Variants in GMDS observed in about 807,000 individuals in gnomAD.
GMDS encodes the protein GDP-mannose 4,6 dehydratase.
A neutral mutation model predicts 49.9 loss-of-function variants in GMDS; 20 were observed. The ratio of observed to expected loss-of-function variants is 0.40; its 90% CI spans 0.28 to 0.58. The LOEUF is 0.58. Ranked by LOEUF, GMDS falls within the 20% of genes least tolerant of loss-of-function variation. GMDS has a pLI of 0.42. For missense variants in GMDS, 362 were observed against 481.4 expected, an observed-to-expected ratio of 0.75 and a Z score of 2.32; for synonymous variants, 177 against 178.6, an observed-to-expected ratio of 0.99 and a Z score of 0.07.
At chr6:1,956,992 G>A (rs1462028908) in intron 6 of GMDS, among the ~76,000 whole-genome samples, 4 of 151,912 alleles carry the variant, frequency 2.6e-5, no homozygotes, top group African/African-American at 4.8e-5. Context: ...TAGTAGAGAC[G>A]GGGTTTCACC....
chr6:2,169,771 G>C (rs1031473250), intron 1 of GMDS, among the ~76,000 whole-genome samples: 1 of 152,092 alleles, frequency 6.6e-6, no homozygotes, highest in African/African-American at 2.4e-5. Flanking sequence ...TCCTACAGCA[G>C]AACACCATCC....
At chr6:1,906,587 C>T (rs1760786813) in intron 7 of GMDS, among the ~76,000 whole-genome samples, 1 of 152,258 alleles carries the variant, frequency 6.6e-6, no homozygotes, top group South Asian at 2.1e-4. Context: ...CTCTATGATA[C>T]TCTAGTTTTT....
At chr6:2,027,669 G>A (rs767308302) in intron 4 of GMDS, among the ~76,000 whole-genome samples, 2 of 152,036 alleles carry the variant, frequency 1.3e-5, no homozygotes, top group Non-Finnish European at 2.9e-5. Flanking sequence ...AAATAGCAGA[G>A]TACAAGACAG....
chr6:2,140,534 T>G (rs994853770), intron 1 of GMDS, among the ~76,000 whole-genome samples: 1 of 152,194 alleles, frequency 6.6e-6, no homozygotes, highest in Non-Finnish European at 1.5e-5. Flanking sequence ...AGCGACCTTG[T>G]GAATCAGCAA....
At chr6:1,957,588 G>A (rs1763711271) in intron 6 of GMDS, among the ~76,000 whole-genome samples, 1 of 152,102 alleles carries the variant, frequency 6.6e-6, no homozygotes, top group South Asian at 2.1e-4. Context: ...CTACAGTTGA[G>A]GTCAAGTTCC....
At chr6:1,793,642 C>T (rs1225901888) in intron 7 of GMDS, among the ~76,000 whole-genome samples, 1 of 152,208 alleles carries the variant, frequency 6.6e-6, no homozygotes, top group Non-Finnish European at 1.5e-5. Context: ...GGCAGCTCAT[C>T]TTCCTACTTT....
intron 4 of GMDS, among the ~76,000 whole-genome samples, chr6:1,981,129 G>T (rs1358738016): frequency 1.3e-5 from 2 of 151,178 alleles, no homozygotes; most frequent in African/African-American, 4.9e-5. Flanking sequence ...AGAATTAATA[G>T]AACTAGAGAA....
chr6:1,701,999 C>T (rs752593194), intron 9 of GMDS, among the ~76,000 whole-genome samples: 89 of 152,288 alleles, frequency 5.8e-4, no homozygotes, highest in Non-Finnish European at 2.9e-4. Flanking sequence ...AACATTTTTG[C>T]GATGGGGGTG....
chr6:1,646,002 G>A (rs1245552088), intron 9 of GMDS, among the ~76,000 whole-genome samples: 1 of 152,206 alleles, frequency 6.6e-6, no homozygotes, highest in Non-Finnish European at 1.5e-5. Context: ...GCACGCAGAG[G>A]CACTCGATCG....
chr6:1,664,805 G>A (rs1013703170), intron 9 of GMDS, among the ~76,000 whole-genome samples: 7 of 152,216 alleles, frequency 4.6e-5, no homozygotes, highest in Non-Finnish European at 7.3e-5. Context: ...TGTGGGTAGA[G>A]ATTTTTTAAA....
chr6:1,872,200 C>T (rs145798793), intron 7 of GMDS, among the ~76,000 whole-genome samples: 3 of 152,330 alleles, frequency 2.0e-5, no homozygotes, highest in East Asian at 3.9e-4. Context: ...CAGTGCTGAG[C>T]GTAGCTGGGC....
At chr6:1,954,829 G>A (rs116281169) in intron 6 of GMDS, among the ~76,000 whole-genome samples, 260 of 152,220 alleles carry the variant, frequency 1.7e-3, no homozygotes, top group African/African-American at 6.1e-3. Context: ...CAATATTGTT[G>A]TGTCTCAGGG....
intron 9 of GMDS, among the ~76,000 whole-genome samples, chr6:1,712,699 G>C (rs2113397394): frequency 6.6e-6 from 1 of 151,942 alleles, no homozygotes; most frequent in East Asian, 1.9e-4. Context: ...CAGAAGTTCA[G>C]ACAGAAGTTC....
At chr6:2,110,978 T>C (rs1424008703) in intron 4 of GMDS, among the ~76,000 whole-genome samples, 1 of 152,196 alleles carries the variant, frequency 6.6e-6, no homozygotes, top group Non-Finnish European at 1.5e-5. Flanking sequence ...GTTGTTTCTT[T>C]GAGAAAAATC....
At chr6:1,800,085 C>T (rs890735631) in intron 7 of GMDS, among the ~76,000 whole-genome samples, 1 of 152,170 alleles carries the variant, frequency 6.6e-6, no homozygotes, top group Non-Finnish European at 1.5e-5. Context: ...CCCTTCCTTC[C>T]TCCCACCTTG....
chr6:2,058,640 G>A (rs1289799064), intron 4 of GMDS, among the ~76,000 whole-genome samples: 1 of 152,140 alleles, frequency 6.6e-6, no homozygotes, highest in Non-Finnish European at 1.5e-5. Context: ...GTGGAGCCTG[G>A]GAGCAATGTG....
chr6:2,103,493 A>G (rs1373690052), intron 4 of GMDS, among the ~76,000 whole-genome samples: 1 of 152,194 alleles, frequency 6.6e-6, no homozygotes, highest in Non-Finnish European at 1.5e-5. Flanking sequence ...GAAAAAAAAT[A>G]GAGGGTAGGA....
intron 1 of GMDS, among the ~76,000 whole-genome samples, chr6:2,239,624 G>A (rs1412568330): frequency 6.6e-6 from 1 of 151,796 alleles, no homozygotes; most frequent in Non-Finnish European, 1.5e-5. Context: ...TTAATCACAT[G>A]TAACAGTCTT....
chr6:1,840,463 AAAG>A lies in GMDS; in HGVS notation c.771+89637_771+89639del, dbSNP rs1352283264. On this transcript the variant is annotated intron_variant, in intron 7 of 10. Transcript: ENST00000380815. ...ATGTCAACTAGGCTTGTGCAAGTAA[AAAG>A]AAGAATGTTACTGGAAGTGAGAGAG... Among the ~76,000 whole-genome samples, 4 of 152,244 alleles carry A rather than the reference AAAG, an allele frequency of 2.6e-5. No individual in the cohort carries two copies. The East Asian group carries it at 7.7e-4, about 29-fold the overall frequency.
Sources: gnomAD v4.1 joint callset for allele counts (sites outside exome capture counted in the v4.1 genomes callset) on GRCh38, gnomAD v4.1.1 for gene constraint, MANE v1.5 for transcripts, NCBI Gene and HGNC (gene_info 2026-07-23, HGNC 2026-07-21) for gene names.